FHIT: variants seen among roughly 807,000 people sequenced by gnomAD.
The protein encoded by FHIT is bis(5'-adenosyl)-triphosphatase.
In FHIT, 19 loss-of-function variants were observed where a neutral mutation model predicts 17.9. That is an observed-to-expected ratio of 1.06 (90% CI 0.74 to 1.56). The LOEUF is 1.56. Ranked by LOEUF, FHIT falls within the 40% of genes most tolerant of loss-of-function variation. FHIT has a pLI of 0.00. For synonymous variants in FHIT, 81 were observed against 69.7 expected (o/e 1.16, Z -0.81); for missense variants, 248 against 189.2 (o/e 1.31, Z -1.82).
At chr3:60,313,007 TC>T (rs1392774208) in intron 5 of FHIT, among the ~76,000 whole-genome samples, 2 of 152,102 alleles carry the variant, frequency 1.3e-5, no homozygotes, top group Admixed American at 1.3e-4. Flanking sequence ...TGATATGATT[TC>T]CCCCAGATTA....
chr3:60,549,911 G>A (rs1368289816), intron 4 of FHIT, among the ~76,000 whole-genome samples: 2 of 152,124 alleles, frequency 1.3e-5, no homozygotes, highest in South Asian at 2.1e-4. Flanking sequence ...TTTATACCCT[G>A]GCATTACTCA....
intron 4 of FHIT, among the ~76,000 whole-genome samples, chr3:60,799,434 A>C (rs1384901600): frequency 9.2e-5 from 14 of 152,232 alleles, no homozygotes; most frequent in African/African-American, 3.1e-4. Flanking sequence ...TCAGCCTCCC[A>C]AAGTGCTGGG....
rs111302302 is a variant in FHIT, at chr3:60,896,338, T to C, written c.-110-74327A>G. Among the ~76,000 whole-genome samples, 71 of 152,194 alleles carry C rather than the reference T, an allele frequency of 4.7e-4. 2 individuals are homozygous for C. Among genetic ancestry groups the C allele is most frequent in the Middle Eastern group, 3.4e-3 (1 of 294 alleles). ...CACTGCTGCTAGGAGTGTTATTGCT[T>C]GCAGGCCCTTTAAGAGGACAAGTAA... On this transcript the variant is annotated intron_variant, in intron 3 of 9. Transcript: ENST00000492590.
At chr3:61,125,357 A>C (rs1337659897) in intron 2 of FHIT, among the ~76,000 whole-genome samples, 1 of 152,238 alleles carries the variant, frequency 6.6e-6, no homozygotes. Context: ...CTTATGATAG[A>C]ATAGATATTT....
chr3:60,032,697 T>C (rs1287642664), intron 5 of FHIT, among the ~76,000 whole-genome samples: 1 of 152,140 alleles, frequency 6.6e-6, no homozygotes, highest in African/African-American at 2.4e-5. Context: ...TTGAAGCACA[T>C]AATACTACTA....
intron 4 of FHIT, among the ~76,000 whole-genome samples, chr3:60,671,204 C>G (rs1213821562): frequency 1.3e-5 from 2 of 152,128 alleles, no homozygotes; most frequent in Non-Finnish European, 2.9e-5. Context: ...TAAAAGCTTT[C>G]AAAATTTTCC....
chr3:60,051,115 T>G (rs1169267873), intron 5 of FHIT, among the ~76,000 whole-genome samples: 1 of 152,038 alleles, frequency 6.6e-6, no homozygotes, highest in Non-Finnish European at 1.5e-5. Flanking sequence ...CTGGTCTGCA[T>G]AACAGGAGGG....
intron 4 of FHIT, among the ~76,000 whole-genome samples, chr3:60,714,863 G>C (rs2041639302): frequency 6.6e-6 from 1 of 152,150 alleles, no homozygotes; most frequent in African/African-American, 2.4e-5. Flanking sequence ...TACTGCCCAA[G>C]GTAATTTATA....
At chr3:59,929,173 T>C (rs1284684267) in intron 7 of FHIT, among the ~76,000 whole-genome samples, 1 of 151,838 alleles carries the variant, frequency 6.6e-6, no homozygotes, top group African/African-American at 2.4e-5. Context: ...CATGCACTGT[T>C]TCCAGCAATT....
chr3:60,537,030 T>C, intron 4 of FHIT, 51 bp from the exon 5 acceptor site: 1 of 1,513,086 alleles, frequency 6.6e-7, no homozygotes, highest in Non-Finnish European at 8.9e-7. Context: ...GAAACTCAGT[T>C]CATATACCAC....
intron 2 of FHIT, among the ~76,000 whole-genome samples, chr3:61,133,423 G>A (rs1576076016): frequency 6.6e-6 from 1 of 152,194 alleles, no homozygotes; most frequent in Admixed American, 6.5e-5. Context: ...CAGGTAGCTG[G>A]TGATCCCATT....
chr3:60,547,943 TC>T lies in FHIT; in HGVS notation c.-17-10965del, dbSNP rs553236704. Among the ~76,000 whole-genome samples, 514 of 152,280 alleles carry T rather than the reference TC, an allele frequency of 3.4e-3. 4 individuals carry two copies. The highest frequency in any genetic ancestry group is 0.012 in the African/African-American group (481 of 41,554). Reference sequence around the variant, plus strand: ...TAGCTCACTTCAGGGTAGGGCAGATTCTTTTTCCGGATTTGCTTTCAAATGT... The same window carrying T: ...TAGCTCACTTCAGGGTAGGGCAGATTTTTTTCCGGATTTGCTTTCAAATGT... On this transcript the variant is annotated intron_variant, in intron 4 of 9. Coordinates refer to ENST00000492590, the MANE Select transcript of FHIT (RefSeq NM_002012.4).
At chr3:60,357,688 A>C (rs1490615555) in intron 5 of FHIT, among the ~76,000 whole-genome samples, 1 of 152,186 alleles carries the variant, frequency 6.6e-6, no homozygotes, top group Non-Finnish European at 1.5e-5. Flanking sequence ...TGGATGTTGT[A>C]CTTAGGCATA....
chr3:59,983,181 G>A (rs1387278205), intron 7 of FHIT, among the ~76,000 whole-genome samples: 5 of 151,732 alleles, frequency 3.3e-5, no homozygotes, highest in Non-Finnish European at 7.4e-5. Flanking sequence ...TCAAGCAGTC[G>A]GCCCACCTCA....
chr3:60,602,619 C>A (rs188225479), intron 4 of FHIT, among the ~76,000 whole-genome samples: 353 of 152,018 alleles, frequency 2.3e-3, no homozygotes, highest in Non-Finnish European at 3.8e-3. Flanking sequence ...GAGCTGGATC[C>A]AAATAAAAAT....
chr3:59,976,752 G>T, intron 7 of FHIT, among the ~76,000 whole-genome samples: 1 of 151,966 alleles, frequency 6.6e-6, no homozygotes, highest in East Asian at 1.9e-4. Flanking sequence ...ATGATATTCA[G>T]TTTAGACTCA....
At chr3:59,795,628 G>A (rs1431243472) in intron 8 of FHIT, among the ~76,000 whole-genome samples, 3 of 152,118 alleles carry the variant, frequency 2.0e-5, no homozygotes, top group African/African-American at 7.2e-5. Flanking sequence ...GGAGACTGAG[G>A]TGAGAGGATC....
At chr3:60,666,864 CTTTT>C (rs71092626) in intron 4 of FHIT, among the ~76,000 whole-genome samples, 1 of 122,190 alleles carries the variant, frequency 8.2e-6, no homozygotes, top group Non-Finnish European at 1.6e-5. Context: ...CTTTTCTTTT[CTTTT>C]TTTTTTTTTT....
At chr3:61,018,507 G>C (rs2032234967) in intron 3 of FHIT, among the ~76,000 whole-genome samples, 1 of 152,152 alleles carries the variant, frequency 6.6e-6, no homozygotes. Context: ...AAAGGGATTT[G>C]ACTGTGAAAC....
Sources: allele counts gnomAD v4.1 joint callset (sites outside exome capture counted in the v4.1 genomes callset), GRCh38; gene constraint gnomAD v4.1.1; transcripts MANE v1.5; gene names NCBI Gene and HGNC (gene_info 2026-07-23, HGNC 2026-07-21).